SCYL3: variants seen among roughly 807,000 people sequenced by gnomAD.
The protein encoded by SCYL3 is SCY1 like pseudokinase 3, also known as protein-associating with the carboxyl-terminal domain of ezrin.
A neutral mutation model predicts 73.8 loss-of-function variants in SCYL3; 35 were observed. The ratio of observed to expected loss-of-function variants is 0.47; its 90% CI spans 0.36 to 0.63. The LOEUF is 0.63. Among genes scored for constraint, SCYL3 ranks in the 20% least tolerant of loss-of-function variants. The pLI is 0.00. For synonymous variants in SCYL3, 277 were observed against 295.2 expected (o/e 0.94, Z 0.63); for missense variants, 712 against 798.9 (o/e 0.89, Z 1.31).
rs150090963 is a variant in SCYL3, at chr1:169,878,889, G to A, written c.166-70C>T. On this transcript the variant is annotated intron_variant, in intron 2 of 12. Transcript: ENST00000367771. ...CAGATTATAGTTTCATATACATTAT[G>A]GGGGAAATCAGAAAATGTATACTTG... The A allele has an allele frequency of 9.5e-6, 13 of 1,363,312 alleles. No individual in the cohort carries two copies. The East Asian group carries it at 3.1e-4, about 32-fold the overall frequency. The allele number at this position is 1,363,312 out of a possible 1,614,324, so 84.5% of individuals were successfully genotyped here. A position where few individuals can be genotyped will look rare whatever the true frequency, so the allele number is the denominator to read the frequency against.
chr1:169,893,573 T>C (rs1380412687), intron 1 of SCYL3, among the ~76,000 whole-genome samples: 1 of 152,004 alleles, frequency 6.6e-6, no homozygotes, highest in Non-Finnish European at 1.5e-5. Context: ...AAGCGCAGAT[T>C]ACAGGGCGCC....
chr1:169,853,856 T>C (rs1571370365), intron 12 of SCYL3, 84 bp from the exon 13 acceptor site: 1 of 1,486,838 alleles, frequency 6.7e-7, no homozygotes, highest in East Asian at 2.3e-5. Flanking sequence ...AGCAGGAATT[T>C]AAAATTTATC....
At chr1:169,859,287 G>T in intron 10 of SCYL3, 75 bp from the exon 11 acceptor site, 2 of 1,390,020 alleles carry the variant, frequency 1.4e-6, no homozygotes, top group Non-Finnish European at 1.9e-6. Context: ...TGAGCAATTG[G>T]GCTGCAAACA....
rs1190516044 is a variant in SCYL3 at position 169,851,832 on chromosome 1, G to A, written c.*1881C>T. On this transcript the variant is annotated 3_prime_UTR_variant, in exon 13 of 13. Coordinates refer to ENST00000367771, the MANE Select transcript of SCYL3 (RefSeq NM_020423.7). Reference sequence around the variant, plus strand: ...TCCCTGGCAGACTGGGTTTGTAGATGAAACTGAAGCTGCCAAAGTGGAACG... The same window carrying A: ...TCCCTGGCAGACTGGGTTTGTAGATAAAACTGAAGCTGCCAAAGTGGAACG... 5 of 1,613,920 alleles carry A rather than the reference G, an allele frequency of 3.1e-6. No homozygotes were observed. The highest frequency in any genetic ancestry group is 4.2e-6 in the Non-Finnish European group (5 of 1,179,916).
intron 8 of SCYL3, among the ~76,000 whole-genome samples, chr1:169,866,075 T>C (rs879415545): frequency 2.0e-5 from 3 of 152,230 alleles, no homozygotes; most frequent in East Asian, 1.9e-4. Flanking sequence ...CAACGGTCCA[T>C]GTATATCTCT....
At chr1:169,880,664 C>G (rs1661175771) in intron 2 of SCYL3, among the ~76,000 whole-genome samples, 1 of 149,632 alleles carries the variant, frequency 6.7e-6, no homozygotes, top group African/African-American at 2.5e-5. Context: ...TGAAGTTCTT[C>G]AAATGGAAGA....
rs1283776031 is a variant in SCYL3, at chr1:169,868,991, A to G, written c.674T>C (p.Leu225Ser). ...SSFQQTLHSTLLNPIPKCRPA... is the reference protein window; with the variant it reads ...SSFQQTLHSTSLNPIPKCRPA... ...CCGACATTTTGGAATGGGATTCAGC[A>G]AAGTTGAGTGCAAGGTCTGTTGAAA... The change falls in exon 7 of 13, where the codon TTG becomes TCG. Residue 225 changes from leucine (L) to serine (S), a missense_variant. Physicochemically the swap from Leu to Ser is moderately radical, Grantham distance 145. Coordinates refer to ENST00000367771, the MANE Select transcript of SCYL3 (RefSeq NM_020423.7). The G allele has an allele frequency of 1.9e-6, 3 of 1,614,072 alleles. No homozygotes were observed. Among genetic ancestry groups the G allele is most frequent in the African/African-American group, 2.7e-5 (2 of 74,930 alleles).
chr1:169,851,908 TAGA>T lies in SCYL3; in HGVS notation c.*1802_*1804del. On this transcript the variant is annotated 3_prime_UTR_variant, in exon 13 of 13. Coordinates refer to ENST00000367771, the MANE Select transcript of SCYL3 (RefSeq NM_020423.7). ...TGGGAACCCTTTGCTAATGTGACTG[TAGA>T]AGAAGCAAAGAGGTCATCTTTACAG... 6.2e-7 allele frequency: 1 copy of T among 1,614,064 alleles called. No individual in the cohort carries two copies. The highest frequency in any genetic ancestry group is 8.5e-7 in the Non-Finnish European group (1 of 1,179,952).
rs368617609 is a variant in SCYL3 at position 169,878,628 on chromosome 1, A to G, written c.351+6T>C. ...GTCTGTGATGCAGACTATACAGGTT[A>G]CTTACTCTGTCATGAAGGAAGATAA... On this transcript the variant is annotated splice_donor_region_variant and intron_variant, in intron 3 of 12. Transcript: ENST00000367771. 2.8e-5 allele frequency: 45 copies of G among 1,608,798 alleles called. No individual in the cohort carries two copies. The African/African-American group carries it at 3.9e-4, about 14-fold the overall frequency.
chr1:169,870,118 G>A, intron 6 of SCYL3, 137 bp downstream of exon 6: 1 of 579,188 alleles, frequency 1.7e-6, no homozygotes, highest in Non-Finnish European at 3.0e-6. Flanking sequence ...CTTAGTATCT[G>A]CCCTAAAAAA....
rs146812587 is a variant in SCYL3, at chr1:169,859,641, T to G, written c.1141-429A>C. The G allele has an allele frequency of 2.4e-3, 363 of 153,354 alleles. 2 individuals carry two copies. The highest frequency in any genetic ancestry group is 4.6e-3 in the Non-Finnish European group (317 of 68,814). 9.5% of individuals were successfully genotyped at this position (153,354 alleles called of 1,614,324 possible). A position where few individuals can be genotyped will look rare whatever the true frequency, so the allele number is the denominator to read the frequency against. ...CTGTCCATGCTTCTCTTTTCAGCTC[T>G]TTTCAAGGGTAGGACCACCTGTCCC... On this transcript the variant is annotated intron_variant, in intron 10 of 12. Coordinates refer to ENST00000367771, the MANE Select transcript of SCYL3 (RefSeq NM_020423.7).
At chr1:169,870,834 G>GTA (rs1660339473) in intron 5 of SCYL3, among the ~76,000 whole-genome samples, 1 of 151,492 alleles carries the variant, frequency 6.6e-6, no homozygotes, top group Non-Finnish European at 1.5e-5. Flanking sequence ...AAAAACACTA[G>GTA]TATATATACA....
At chr1:169,869,116 A>G (rs1226791547) in intron 6 of SCYL3, 77 bp from the exon 7 acceptor site, 6 of 1,139,530 alleles carry the variant, frequency 5.3e-6, no homozygotes, top group Non-Finnish European at 7.8e-6. Context: ...GACTGCCGAG[A>G]GCAAAAACCA....
chr1:169,877,367 A>C (rs1281866920), intron 3 of SCYL3, among the ~76,000 whole-genome samples: 2 of 152,164 alleles, frequency 1.3e-5, no homozygotes, highest in East Asian at 3.8e-4. Flanking sequence ...CATGTTGCCC[A>C]GGCTGGTCTC....
At position 169,876,040 on chromosome 1, in the gene SCYL3, C is replaced by T. The variant is rs1660775156; in HGVS notation, c.403G>A (p.Asp135Asn). Residue 135 changes from aspartate to asparagine, a missense_variant, in exon 4 of 13, where the codon GAT (aspartate) becomes AAT (asparagine). Physicochemically the swap from Asp to Asn is conservative, Grantham distance 23. Coordinates refer to ENST00000367771, the MANE Select transcript of SCYL3 (RefSeq NM_020423.7). ...VCLSSVFVSE[D>N]GHWKLGGMET... ...ATTCCTCCTAGCTTCCAGTGTCCAT[C>T]TTCACTCACAAACACAGATGATAAA... is the stretch of plus-strand genomic sequence containing the variant. The T allele has an allele frequency of 1.2e-6, 2 of 1,612,140 alleles. No individual in the cohort carries two copies.
chr1:169,882,228 G>A (rs12117794), intron 2 of SCYL3, among the ~76,000 whole-genome samples: 10,028 of 152,318 alleles, frequency 0.066, 423 homozygotes, highest in Non-Finnish European at 0.1. Flanking sequence ...CCTGCCACCC[G>A]GGGCAATGAG....
In SCYL3 at chr1:169,850,143, G is replaced by A. The variant is rs2272916; in HGVS notation, c.*3570C>T. On this transcript the variant is annotated 3_prime_UTR_variant, in exon 13 of 13. Transcript: ENST00000367771. Reference sequence around the variant, plus strand: ...GGAATCATGAGTTTATCACCTTTGAGGATCCTCTGGGACTCTTACTTAAAA... The same window carrying A: ...GGAATCATGAGTTTATCACCTTTGAAGATCCTCTGGGACTCTTACTTAAAA... The A allele has an allele frequency of 0.17, 108,374 of 625,142 alleles. 9,946 individuals are homozygous for A. Among genetic ancestry groups the A allele is most frequent in the South Asian group, 0.26 (13,081 of 51,002 alleles). The allele number at this position is 625,142 out of a possible 1,614,324, so 38.7% of individuals were successfully genotyped here.
intron 6 of SCYL3, 34 bp from the exon 7 acceptor site, chr1:169,869,073 C>G: frequency 6.5e-7 from 1 of 1,548,384 alleles, no homozygotes; most frequent in Non-Finnish European, 8.9e-7. Context: ...TTTCCAATGC[C>G]TTCTCCCTCT....
At chr1:169,862,543 C>T in intron 10 of SCYL3, 70 bp downstream of exon 10, 1 of 1,532,008 alleles carries the variant, frequency 6.5e-7, no homozygotes, top group East Asian at 2.3e-5. Context: ...CTGAATACCT[C>T]CAAAACTCTT....
Sources: gnomAD v4.1 joint callset for allele counts (sites outside exome capture counted in the v4.1 genomes callset) on GRCh38, gnomAD v4.1.1 for gene constraint, MANE v1.5 for transcripts, NCBI Gene and HGNC (gene_info 2026-07-23, HGNC 2026-07-21) for gene names.